ADGB: variants seen among roughly 807,000 people sequenced by gnomAD.
ADGB encodes the protein androglobin.
In ADGB, 172 loss-of-function variants were observed where a neutral mutation model predicts 210.5. The observed-to-expected ratio is 0.82, with a 90% CI of 0.72 to 0.93. The LOEUF (loss-of-function observed/expected upper bound fraction) is 0.93, where lower values mean the gene tolerates loss of function less well. ADGB is among the 40% of genes least tolerant of loss of function. The pLI is 0.00. For missense variants in ADGB, 2,025 were observed against 1,964.8 expected (o/e 1.03, Z -0.58); for synonymous variants, 658 against 662.7 (o/e 0.99, Z 0.11).
intron 13 of ADGB, 25 bp downstream of exon 13, chr6:146,701,095 G>T: frequency 6.5e-7 from 1 of 1,546,622 alleles, no homozygotes; most frequent in Admixed American, 2.0e-5. Flanking sequence ...CTTACTGTTG[G>T]CCCAACTCTT....
At chr6:146,600,547 T>C (rs1164140344) in intron 1 of ADGB, among the ~76,000 whole-genome samples, 2 of 152,148 alleles carry the variant, frequency 1.3e-5, no homozygotes, top group South Asian at 4.1e-4. Flanking sequence ...AATGTCATTT[T>C]CTCCTGTTAG....
chr6:146,742,835 C>A (rs1249815081), intron 25 of ADGB, among the ~76,000 whole-genome samples: 1 of 152,084 alleles, frequency 6.6e-6, no homozygotes, highest in Non-Finnish European at 1.5e-5. Context: ...TAAATATATC[C>A]CAACACAAAT....
intron 20 of ADGB, among the ~76,000 whole-genome samples, chr6:146,730,821 C>T (rs181387458): frequency 2.1e-3 from 322 of 152,226 alleles, no homozygotes; most frequent in East Asian, 0.014. Flanking sequence ...CACCTGTAAT[C>T]CCAGCTACTT....
chr6:146,746,745 C>T lies in ADGB; in HGVS notation c.3365+636C>T, dbSNP rs183063916. Among the ~76,000 whole-genome samples the T allele has an allele frequency of 9.9e-5, 15 of 152,250 alleles. No homozygotes were observed. In the South Asian group the frequency reaches 2.7e-3, roughly 27 times the overall value. ...TCTCCTGCTTTTAAACCTTTGATAA[C>T]GTTCCATTGACTACAGATAAACTCC... is the stretch of plus-strand genomic sequence containing the variant. On this transcript the variant is annotated intron_variant, in intron 26 of 35. Transcript: ENST00000397944.
At chr6:146,710,042 T>A (rs1429330508) in intron 13 of ADGB, among the ~76,000 whole-genome samples, 1 of 151,764 alleles carries the variant, frequency 6.6e-6, no homozygotes, top group Non-Finnish European at 1.5e-5. Context: ...TTTTTTTATT[T>A]TTAATGTGGT....
intron 13 of ADGB, among the ~76,000 whole-genome samples, chr6:146,709,280 A>T (rs1434810384): frequency 6.6e-6 from 1 of 152,062 alleles, no homozygotes; most frequent in Non-Finnish European, 1.5e-5. Flanking sequence ...TGTTTCCATT[A>T]TTGTTCTTGG....
At chr6:146,783,378 T>G (rs772533535) in intron 30 of ADGB, among the ~76,000 whole-genome samples, 26 of 152,194 alleles carry the variant, frequency 1.7e-4, no homozygotes, top group Non-Finnish European at 2.8e-4. Context: ...ATTTCTTAGC[T>G]GAAGTCTACC....
At chr6:146,715,695 T>C (rs9497611) in intron 14 of ADGB, among the ~76,000 whole-genome samples, 12,081 of 152,212 alleles carry the variant, frequency 0.079, 1,595 homozygotes, top group African/African-American at 0.27. Context: ...CCACTGCAAA[T>C]TCCTTAGTTC....
At chr6:146,720,703 G>A (rs141881604) in intron 16 of ADGB, among the ~76,000 whole-genome samples, 8 of 152,248 alleles carry the variant, frequency 5.3e-5, no homozygotes, top group Admixed American at 5.2e-4. Context: ...AAGCAAACAC[G>A]TCTTACCATG....
chr6:146,779,869 A>AC (rs1178505050), intron 29 of ADGB, among the ~76,000 whole-genome samples: 1 of 151,766 alleles, frequency 6.6e-6, no homozygotes, highest in Non-Finnish European at 1.5e-5. Context: ...GCTATAAAAA[A>AC]AAAAAGACAC....
Position 146,788,400 on chromosome 6 carries a change from G to A in ADGB, c.4327G>A (p.Ala1443Thr), listed in dbSNP as rs1279340834. 1.9e-6 allele frequency: 3 copies of A among 1,551,518 alleles called. No homozygotes were observed. The highest frequency in any genetic ancestry group is 4.9e-5 in the East Asian group (2 of 40,912). Residue 1443 changes from alanine (A) to threonine (T), a missense_variant, in exon 33 of 36, where the codon GCA becomes ACA. Ala to Thr is a moderately conservative substitution (Grantham distance 58). Transcript: ENST00000397944. Reference sequence around the variant, plus strand: ...ATGTCATGTTGTAGTAGAAACAGCTGCACGTGGCGTAAAAGAACCAAACTC... The same window carrying A: ...ATGTCATGTTGTAGTAGAAACAGCTACACGTGGCGTAAAAGAACCAAACTC... ...TKPKEEVETA[A>T]RGVKEPNSKN...
intron 35 of ADGB, among the ~76,000 whole-genome samples, chr6:146,810,650 C>A (rs1485453068): frequency 6.6e-6 from 1 of 151,954 alleles, no homozygotes; most frequent in African/African-American, 2.4e-5. Context: ...CCATTTGCAA[C>A]AACACAGATG....
intron 27 of ADGB, among the ~76,000 whole-genome samples, chr6:146,757,476 A>G (rs949850880): frequency 4.6e-5 from 7 of 151,866 alleles, no homozygotes; most frequent in African/African-American, 1.7e-4. Flanking sequence ...TCTTTTAAAA[A>G]TTGTATATTA....
At chr6:146,609,213 T>A (rs888451742) in intron 1 of ADGB, among the ~76,000 whole-genome samples, 13 of 152,210 alleles carry the variant, frequency 8.5e-5, no homozygotes, top group African/African-American at 3.1e-4. Flanking sequence ...AGTTTTCTAT[T>A]TGCTTGATAG....
At chr6:146,800,421 T>G (rs978205997) in intron 33 of ADGB, among the ~76,000 whole-genome samples, 2 of 152,200 alleles carry the variant, frequency 1.3e-5, no homozygotes, top group African/African-American at 2.4e-5. Flanking sequence ...ATGAAAATGT[T>G]TTAAAACTGG....
intron 35 of ADGB, among the ~76,000 whole-genome samples, chr6:146,810,618 C>T (rs1778289833): frequency 6.6e-6 from 1 of 151,630 alleles, no homozygotes; most frequent in Non-Finnish European, 1.5e-5. Context: ...ATAATTGAAC[C>T]ATAAAATAGA....
At chr6:146,767,940 C>G (rs372707156) in intron 28 of ADGB, among the ~76,000 whole-genome samples, 11 of 149,398 alleles carry the variant, frequency 7.4e-5, no homozygotes, top group Non-Finnish European at 1.2e-4. Context: ...TCCTCTACAC[C>G]GGCACTATGC....
intron 13 of ADGB, among the ~76,000 whole-genome samples, chr6:146,710,896 G>T (rs532989614): frequency 1.3e-5 from 2 of 152,098 alleles, no homozygotes; most frequent in African/African-American, 4.8e-5. Context: ...TGAGGGCAGA[G>T]ATATTTATTT....
chr6:146,728,716 A>G lies in ADGB; in HGVS notation c.2495A>G (p.Lys832Arg). 1 of 1,550,658 alleles carries G rather than the reference A, an allele frequency of 6.4e-7. No homozygotes were observed. Among genetic ancestry groups the G allele is most frequent in the South Asian group, 1.2e-5 (1 of 83,900 alleles). ...TAHYPVPFHD[K>R]ELTAQHFRVF... is the part of the protein sequence containing the mutation. The stretch of plus-strand genomic sequence containing the variant: ...CACTACCCTGTCCCCTTCCATGATA[A>G]AGAACTAACTGCACAGCACTTCAGG... The change falls in exon 20 of 36, where the codon AAA becomes AGA. Residue 832 changes from lysine (K) to arginine (R), a missense_variant. By Grantham distance (26) the Lys-to-Arg change is conservative. Transcript: ENST00000397944.
Sources: allele counts gnomAD v4.1 joint callset (sites outside exome capture counted in the v4.1 genomes callset), GRCh38; gene constraint gnomAD v4.1.1; transcripts MANE v1.5; gene names NCBI Gene and HGNC (gene_info 2026-07-23, HGNC 2026-07-21).